Variants in NPRL2 observed in about 807,000 individuals in gnomAD.
NPRL2 encodes the protein GATOR1 complex protein NPRL2.
NPRL2 carries 21 observed loss-of-function variants against 51.1 expected under a neutral mutation model. The ratio of observed to expected loss-of-function variants is 0.41; its 90% CI spans 0.29 to 0.59. NPRL2 has a LOEUF of 0.59. Ranked by LOEUF, NPRL2 falls within the 20% of genes least tolerant of loss-of-function variation. The pLI is 0.29. For synonymous variants in NPRL2, 175 were observed against 187.8 expected, an observed-to-expected ratio of 0.93 and a Z score of 0.56; for missense variants, 376 against 483.4, an observed-to-expected ratio of 0.78 and a Z score of 2.08.
chr3:50,348,566 G>T lies in NPRL2; in HGVS notation c.684-3C>A. The T allele has an allele frequency of 6.2e-7, 1 of 1,613,996 alleles. No individual in the cohort carries two copies. Among genetic ancestry groups the T allele is most frequent in the Non-Finnish European group, 8.5e-7 (1 of 1,179,960 alleles). On this transcript the variant is annotated splice_polypyrimidine_tract_variant and splice_region_variant and intron_variant, in intron 6 of 10. Transcript: ENST00000232501. The surrounding 1 kb of genome is among the most constrained non-coding windows in gnomAD (Gnocchi z 5.8). ...CCAGTGTCACAACGCCGTAGTACCT[G>T]AGAGAGAGAGCTGTGCTCAGCTTCT...
Position 50,350,523 on chromosome 3 carries a change from A to T in NPRL2, c.78+52T>A, listed in dbSNP as rs1703722789. On this transcript the variant is annotated intron_variant, in intron 1 of 10. Transcript: ENST00000232501. This position sits in a 1 kb window ranked among gnomAD's most constrained non-coding sequence, Gnocchi z 5.7. ...ACTACTGCCTTCAGGCAGCCAGTTG[A>T]GCTCTCGAGAACGTCCCTCTTCCCG... The T allele has an allele frequency of 6.5e-7, 1 of 1,540,970 alleles. No individual in the cohort carries two copies. Among genetic ancestry groups the T allele is most frequent in the South Asian group, 1.2e-5 (1 of 84,788 alleles).
In NPRL2 at chr3:50,348,968, G is replaced by A; in HGVS notation, c.491C>T (p.Pro164Leu). The A allele has an allele frequency of 6.2e-7, 1 of 1,614,032 alleles. No individual in the cohort carries two copies. The highest frequency in any genetic ancestry group is 8.5e-7 in the Non-Finnish European group (1 of 1,180,028). Residue 164 changes from proline to leucine, a missense_variant, in exon 5 of 11, where the codon CCA becomes CTA. By Grantham distance (98) the Pro-to-Leu change is moderately conservative (BLOSUM62 -3). Coordinates refer to ENST00000232501, the MANE Select transcript of NPRL2 (RefSeq NM_006545.5). This position sits in a 1 kb window ranked among gnomAD's most constrained non-coding sequence, Gnocchi z 5.8. The stretch of plus-strand genomic sequence containing the variant: ...ATACTCCTGGGCCACCGGAGGGTCT[G>A]GCCGCTGCTCAATCACCTTCAAGTG... ...TIHLKVIEQR[P>L]DPPVAQEYDV...
rs769961301 is a variant in NPRL2 at position 50,348,124 on chromosome 3, C to T, written c.932G>A (p.Arg311Gln). ...HPQQLQHVDE[R>Q]KLIQFGLMKN... The stretch of plus-strand genomic sequence containing the variant: ...ATGCCCCAGCAAATTCTCCTCTGAC[C>T]GTTCATCAACATGCTGCAGCTGCTG... The change falls in exon 9 of 11, where the codon CGG becomes CAG. Residue 311 changes from arginine to glutamine, a missense_variant and splice_region_variant. Transcript: ENST00000232501. This position sits in a 1 kb window ranked among gnomAD's most constrained non-coding sequence, Gnocchi z 5.8. The T allele has an allele frequency of 1.9e-6, 3 of 1,613,864 alleles. No individual in the cohort carries two copies. Among genetic ancestry groups the T allele is most frequent in the East Asian group, 2.2e-5 (1 of 44,884 alleles).
chr3:50,349,904 A>G lies in NPRL2; in HGVS notation c.170+27T>C, dbSNP rs749886068. The G allele has an allele frequency of 4.3e-6, 7 of 1,613,332 alleles. No individual in the cohort carries two copies. Among genetic ancestry groups the G allele is most frequent in the African/African-American group, 1.3e-5 (1 of 74,724 alleles). On this transcript the variant is annotated intron_variant, in intron 2 of 10. Transcript: ENST00000232501. The surrounding 1 kb of genome is among the most constrained non-coding windows in gnomAD (Gnocchi z 4.6). ...CCTCCTGGGACAACCCCTGCCACCC[A>G]CCGCTCACCCCGAGCTAGGGTCTCA... is the stretch of plus-strand genomic sequence containing the variant.
rs1434902576 is a variant in NPRL2, at chr3:50,349,867, C to T, written c.171-34G>A. The T allele has an allele frequency of 3.7e-6, 6 of 1,612,980 alleles. No individual in the cohort carries two copies. The highest frequency in any genetic ancestry group is 5.1e-6 in the Non-Finnish European group (6 of 1,179,300). On this transcript the variant is annotated intron_variant, in intron 2 of 10. Coordinates refer to ENST00000232501, the MANE Select transcript of NPRL2 (RefSeq NM_006545.5). This position sits in a 1 kb window ranked among gnomAD's most constrained non-coding sequence, Gnocchi z 4.6. ...TTGGAACACAGTCAGGCCCCCAAGC[C>T]TGTCCCTTCCTCCTCCTGGGACAAC...
Position 50,347,930 on chromosome 3 carries a change from C to T in NPRL2, c.933-29G>A, listed in dbSNP as rs200098645. 3.0e-5 allele frequency: 48 copies of T among 1,612,452 alleles called. No individual in the cohort carries two copies. In the East Asian group the frequency reaches 5.1e-4, roughly 17 times the overall value. On this transcript the variant is annotated intron_variant, in intron 9 of 10. Transcript: ENST00000232501. ...GGGTGAGGATCAGAGGACGGGGTGA[C>T]GCCCTGGCCAGGCCTTCTTTCAGGC...
rs147938650 is a variant in NPRL2, at chr3:50,348,403, T to C, written c.728A>G (p.Asn243Ser). The change falls in exon 8 of 11, where the codon AAT (asparagine) becomes AGT (serine). Residue 243 changes from asparagine (N) to serine (S), a missense_variant. Transcript: ENST00000232501. The surrounding 1 kb of genome is among the most constrained non-coding windows in gnomAD (Gnocchi z 5.8). ...GACCTTGGGCGTTGGGCAGTATACA[T>C]TGGAGTACTAGAGGGTAGCAGAAGG... ...VTLVSILQYSNVYCPTPKVQD... is the reference protein window; with the variant it reads ...VTLVSILQYSSVYCPTPKVQD... The C allele has an allele frequency of 7.4e-5, 119 of 1,613,832 alleles. 1 individual carries two copies. Among genetic ancestry groups the C allele is most frequent in the South Asian group, 4.0e-4 (36 of 91,076 alleles).
rs192718561 is a variant in NPRL2, at chr3:50,347,365, C to T, written c.*241G>A. On this transcript the variant is annotated 3_prime_UTR_variant, in exon 11 of 11. Coordinates refer to ENST00000232501, the MANE Select transcript of NPRL2 (RefSeq NM_006545.5). ...TTTTTTTTTTTTTTTTTGTAATTAA[C>T]CGGCACTTTTATTTGTCGATTGTCG... 1.7e-4 allele frequency: 19 copies of T among 111,634 alleles called. No homozygotes were observed. The East Asian group carries it at 4.8e-3, about 28-fold the overall frequency. The allele number at this position is 111,634 out of a possible 1,614,324, so 6.9% of individuals were successfully genotyped here.
At position 50,350,766 on chromosome 3, in the gene NPRL2, G is replaced by C. The variant is rs1703731575; in HGVS notation, c.-114C>G. 1 of 1,485,878 alleles carries C rather than the reference G, an allele frequency of 6.7e-7. No homozygotes were observed. The highest frequency in any genetic ancestry group is 8.9e-7 in the Non-Finnish European group (1 of 1,119,370). 92.0% of individuals were successfully genotyped at this position (1,485,878 alleles called of 1,614,324 possible). ...AGGCCTGTGTCGCTGGGGCACGCAA[G>C]CTTGCCAATCCCTCTGCCCAATGGC... is the stretch of plus-strand genomic sequence containing the variant. On this transcript the variant is annotated 5_prime_UTR_variant, in exon 1 of 11. Transcript: ENST00000232501. This position sits in a 1 kb window ranked among gnomAD's most constrained non-coding sequence, Gnocchi z 5.7.
chr3:50,348,487 C>T lies in NPRL2; in HGVS notation c.720+40G>A. 1 of 1,613,982 alleles carries T rather than the reference C, an allele frequency of 6.2e-7. No homozygotes were observed. Among genetic ancestry groups the T allele is most frequent in the Non-Finnish European group, 8.5e-7 (1 of 1,179,960 alleles). On this transcript the variant is annotated intron_variant, in intron 7 of 10. Coordinates refer to ENST00000232501, the MANE Select transcript of NPRL2 (RefSeq NM_006545.5). This position sits in a 1 kb window ranked among gnomAD's most constrained non-coding sequence, Gnocchi z 5.8. Reference sequence around the variant, plus strand: ...ACACAGCCCTGGTCTGGTCCAGCCACATGATCCACTCTCCACTTAACCAAA... The same window carrying T: ...ACACAGCCCTGGTCTGGTCCAGCCATATGATCCACTCTCCACTTAACCAAA...
chr3:50,348,505 T>A lies in NPRL2; in HGVS notation c.720+22A>T, dbSNP rs368772469. The stretch of plus-strand genomic sequence containing the variant: ...CCAGCCACATGATCCACTCTCCACT[T>A]AACCAAACCCAACTCACCTACCTGG... On this transcript the variant is annotated intron_variant, in intron 7 of 10. Coordinates refer to ENST00000232501, the MANE Select transcript of NPRL2 (RefSeq NM_006545.5). This position sits in a 1 kb window ranked among gnomAD's most constrained non-coding sequence, Gnocchi z 5.8. 6.8e-6 allele frequency: 11 copies of A among 1,613,894 alleles called. No homozygotes were observed. Among genetic ancestry groups the A allele is most frequent in the Non-Finnish European group, 8.5e-6 (10 of 1,179,996 alleles).
At position 50,348,447 on chromosome 3, in the gene NPRL2, G is replaced by T. The variant is rs587624865; in HGVS notation, c.721-37C>A. On this transcript the variant is annotated intron_variant, in intron 7 of 10. Coordinates refer to ENST00000232501, the MANE Select transcript of NPRL2 (RefSeq NM_006545.5). This position sits in a 1 kb window ranked among gnomAD's most constrained non-coding sequence, Gnocchi z 5.8. Reference sequence around the variant, plus strand: ...CAGAAGGCATAGGGGCCTGAGTGAGGGGCTTGGGAAGCTGACACAGCCCTG... The same window carrying T: ...CAGAAGGCATAGGGGCCTGAGTGAGTGGCTTGGGAAGCTGACACAGCCCTG... 6.2e-7 allele frequency: 1 copy of T among 1,613,422 alleles called. No individual in the cohort carries two copies. Among genetic ancestry groups the T allele is most frequent in the Admixed American group, 1.7e-5 (1 of 60,012 alleles).
Position 50,350,325 on chromosome 3 carries a change from C to T in NPRL2, c.78+250G>A, listed in dbSNP as rs9829573. ...ACTCATGGGTCACCCAACTCACCTT[C>T]TGTGGGACCTGGAACCCCCCAACCG... On this transcript the variant is annotated intron_variant, in intron 1 of 10. Transcript: ENST00000232501. The surrounding 1 kb of genome is among the most constrained non-coding windows in gnomAD (Gnocchi z 5.7). 659 of 602,622 alleles carry T rather than the reference C, an allele frequency of 1.1e-3. 2 individuals are homozygous for T. Among genetic ancestry groups the T allele is most frequent in the African/African-American group, 0.011 (579 of 53,994 alleles). The allele number at this position is 602,622 out of a possible 1,614,324, so 37.3% of individuals were successfully genotyped here. A position where few individuals can be genotyped will look rare whatever the true frequency, so the allele number is the denominator to read the frequency against.
chr3:50,350,725 G>A lies in NPRL2; in HGVS notation c.-73C>T. ...GCGTCCCCACCTCCTGTGAACACTT[G>A]TCAGAGACAGCCTCGAGGCCTGTGT... On this transcript the variant is annotated 5_prime_UTR_variant, in exon 1 of 11. Transcript: ENST00000232501. This position sits in a 1 kb window ranked among gnomAD's most constrained non-coding sequence, Gnocchi z 5.7. 2 of 1,537,258 alleles carry A rather than the reference G, an allele frequency of 1.3e-6. No individual in the cohort carries two copies. Among genetic ancestry groups the A allele is most frequent in the South Asian group, 1.2e-5 (1 of 83,696 alleles).
chr3:50,350,151 G>C lies in NPRL2; in HGVS notation c.79-129C>G. The C allele has an allele frequency of 2.8e-6, 2 of 713,426 alleles. No homozygotes were observed. The highest frequency in any genetic ancestry group is 3.9e-4 in the Middle Eastern group (1 of 2,534). 44.2% of individuals were successfully genotyped at this position (713,426 alleles called of 1,614,324 possible). A position where few individuals can be genotyped will look rare whatever the true frequency, so the allele number is the denominator to read the frequency against. On this transcript the variant is annotated intron_variant, in intron 1 of 10. Coordinates refer to ENST00000232501, the MANE Select transcript of NPRL2 (RefSeq NM_006545.5). This position sits in a 1 kb window ranked among gnomAD's most constrained non-coding sequence, Gnocchi z 5.7. ...CGTTCCCCTCTCTCCCATCCACTCA[G>C]GCCTATTACTTCTTTCTGTTTCCAA...
At position 50,348,368 on chromosome 3, in the gene NPRL2, C is replaced by A; in HGVS notation, c.763G>T (p.Val255Leu). Residue 255 changes from valine (V) to leucine (L), a missense_variant, in exon 8 of 11, where the codon GTA (valine) becomes TTA (leucine). Physicochemically the swap from Val to Leu is conservative, Grantham distance 32 (BLOSUM62 1). Coordinates refer to ENST00000232501, the MANE Select transcript of NPRL2 (RefSeq NM_006545.5). This position sits in a 1 kb window ranked among gnomAD's most constrained non-coding sequence, Gnocchi z 5.8. ...GCCTCTTGCAGGGACTTGTCATCTA[C>A]CAGGTCCTGGACCTTGGGCGTTGGG... ...YCPTPKVQDLVDDKSLQEACL... is the reference protein window; with the variant it reads ...YCPTPKVQDLLDDKSLQEACL... 1 of 1,613,934 alleles carries A rather than the reference C, an allele frequency of 6.2e-7. No homozygotes were observed. The highest frequency in any genetic ancestry group is 8.5e-7 in the Non-Finnish European group (1 of 1,180,036).
Position 50,347,542 on chromosome 3 carries a change from T to C in NPRL2, c.*64A>G. The C allele has an allele frequency of 1.9e-6, 3 of 1,581,904 alleles. No individual in the cohort carries two copies. Among genetic ancestry groups the C allele is most frequent in the Non-Finnish European group, 2.6e-6 (3 of 1,155,662 alleles). Reference sequence around the variant, plus strand: ...GAACTAAGAGTCAACCTCTAGACAGTATGACAAGCCTCCTAGTAGGAGGGA... The same window carrying C: ...GAACTAAGAGTCAACCTCTAGACAGCATGACAAGCCTCCTAGTAGGAGGGA... On this transcript the variant is annotated 3_prime_UTR_variant, in exon 11 of 11. Coordinates refer to ENST00000232501, the MANE Select transcript of NPRL2 (RefSeq NM_006545.5).
chr3:50,349,101 C>T lies in NPRL2; in HGVS notation c.449-91G>A. On this transcript the variant is annotated intron_variant, in intron 4 of 10. Coordinates refer to ENST00000232501, the MANE Select transcript of NPRL2 (RefSeq NM_006545.5). The surrounding 1 kb of genome is among the most constrained non-coding windows in gnomAD (Gnocchi z 4.6). ...GCCTCCCAGCATCCCTTGGGGCAAG[C>T]AGGTGCCTCTGGGTAGGGCTAATCT... The T allele has an allele frequency of 2.0e-6, 3 of 1,469,732 alleles. No individual in the cohort carries two copies. Among genetic ancestry groups the T allele is most frequent in the Non-Finnish European group, 2.8e-6 (3 of 1,081,946 alleles). The allele number at this position is 1,469,732 out of a possible 1,614,324, so 91.0% of individuals were successfully genotyped here. A position where few individuals can be genotyped will look rare whatever the true frequency, so the allele number is the denominator to read the frequency against.
Position 50,349,207 on chromosome 3 carries a change from TC to T in NPRL2, c.448+178del. 1.2e-6 allele frequency: 1 copy of T among 841,990 alleles called. No individual in the cohort carries two copies. The highest frequency in any genetic ancestry group is 1.8e-6 in the Non-Finnish European group (1 of 544,310). 52.2% of individuals were successfully genotyped at this position (841,990 alleles called of 1,614,324 possible). ...GGGGCAGAGCTGGAGAGCTCTGCTT[TC>T]CCCCTACCCCCAGTCCCAGCTCCAT... On this transcript the variant is annotated intron_variant, in intron 4 of 10. Coordinates refer to ENST00000232501, the MANE Select transcript of NPRL2 (RefSeq NM_006545.5). This position sits in a 1 kb window ranked among gnomAD's most constrained non-coding sequence, Gnocchi z 4.6.
Sources: gnomAD v4.1 joint callset for allele counts on GRCh38, gnomAD v4.1.1 for gene constraint, Gnocchi (gnomAD v3.1) non-coding constraint, MANE v1.5 for transcripts, NCBI Gene and HGNC (gene_info 2026-07-23, HGNC 2026-07-21) for gene names.